GALNTL6: variants seen among roughly 807,000 people sequenced by gnomAD.
The protein encoded by GALNTL6 is polypeptide N-acetylgalactosaminyltransferase-like 6.
A neutral mutation model predicts 73.7 loss-of-function variants in GALNTL6; 46 were observed. The observed-to-expected ratio is 0.62, with a 90% confidence interval of 0.49 to 0.80. The LOEUF (loss-of-function observed/expected upper bound fraction) is 0.80. Among genes scored for constraint, GALNTL6 ranks in the 30% least tolerant of loss-of-function variants. GALNTL6 has a pLI of 0.00. For synonymous variants in GALNTL6, 259 were observed against 263.7 expected, an observed-to-expected ratio of 0.98 and a Z score of 0.17; for missense variants, 604 against 755.0, an observed-to-expected ratio of 0.80 and a Z score of 2.34.
intron 5 of GALNTL6, among the ~76,000 whole-genome samples, chr4:172,400,316 A>T (rs1301248835): frequency 3.3e-5 from 5 of 152,200 alleles, no homozygotes; most frequent in Non-Finnish European, 7.3e-5. Flanking sequence ...AGGAAAATGA[A>T]TTCTAATACA....
chr4:172,520,112 G>A (rs915796284), intron 5 of GALNTL6, among the ~76,000 whole-genome samples: 3 of 151,792 alleles, frequency 2.0e-5, no homozygotes, highest in Admixed American at 2.0e-4. Flanking sequence ...CAGAACCATT[G>A]TCTCATTTAA....
In GALNTL6 at chr4:172,536,074, C is replaced by T. The variant is rs192690719; in HGVS notation, c.553+187385C>T. On this transcript the variant is annotated intron_variant, in intron 5 of 12. Coordinates refer to ENST00000506823, the MANE Select transcript of GALNTL6 (RefSeq NM_001034845.3). ...ATGGTTTTATAAGGAGCTTTTCTCCCGCTTCGCTCTGCACTTCTCTCTTGC... is the reference window on the plus strand; with the variant it reads ...ATGGTTTTATAAGGAGCTTTTCTCCTGCTTCGCTCTGCACTTCTCTCTTGC... Among the ~76,000 whole-genome samples the T allele has an allele frequency of 3.5e-4, 54 of 152,172 alleles. 1 individual carries two copies. Among genetic ancestry groups the T allele is most frequent in the African/African-American group, 1.1e-3 (47 of 41,534 alleles).
chr4:172,592,666 GTCTGTCTA>G lies in GALNTL6; in HGVS notation c.554-216691_554-216684del, dbSNP rs1298529581. ...TACTCAAATCTATATCTGTCTGTCT[GTCTGTCTA>G]TCTATCTATCTATCTATCTATCTAT... is the stretch of plus-strand genomic sequence containing the variant. On this transcript the variant is annotated intron_variant, in intron 5 of 12. Transcript: ENST00000506823. Among the ~76,000 whole-genome samples the G allele has an allele frequency of 3.1e-3, 334 of 109,396 alleles. 1 individual carries two copies. The highest frequency in any genetic ancestry group is 8.5e-3 in the African/African-American group (286 of 33,816). The allele number at this position is 109,396 out of a possible 152,430, so 71.8% of individuals were successfully genotyped here.
At chr4:172,920,915 G>A (rs1747756750) in intron 8 of GALNTL6, among the ~76,000 whole-genome samples, 1 of 152,202 alleles carries the variant, frequency 6.6e-6, no homozygotes. Context: ...TAGTAAATAA[G>A]TGAGATATCT....
chr4:172,562,578 G>A (rs997371082), intron 5 of GALNTL6, among the ~76,000 whole-genome samples: 4 of 152,166 alleles, frequency 2.6e-5, no homozygotes, highest in Admixed American at 6.5e-5. Context: ...CAAGGCTGCT[G>A]AATGTCCTAT....
chr4:172,541,040 T>A (rs1735533998), intron 5 of GALNTL6, among the ~76,000 whole-genome samples: 1 of 152,198 alleles, frequency 6.6e-6, no homozygotes, highest in Non-Finnish European at 1.5e-5. Flanking sequence ...CAGGGTCATT[T>A]CAAAATCTGT....
intron 2 of GALNTL6, among the ~76,000 whole-genome samples, chr4:171,855,307 A>G (rs1237409406): frequency 6.6e-6 from 1 of 152,140 alleles, no homozygotes; most frequent in African/African-American, 2.4e-5. Flanking sequence ...CCAGGGAACC[A>G]CGGATCTATT....
intron 2 of GALNTL6, among the ~76,000 whole-genome samples, chr4:172,183,523 A>G (rs961946223): frequency 7.2e-5 from 11 of 152,308 alleles, no homozygotes; most frequent in African/African-American, 2.6e-4. Context: ...CATTGATTCA[A>G]CAATGTAGGC....
chr4:172,136,501 C>T (rs1024117134), intron 2 of GALNTL6, among the ~76,000 whole-genome samples: 34 of 152,106 alleles, frequency 2.2e-4, no homozygotes, highest in Non-Finnish European at 1.2e-4. Flanking sequence ...CCCACAGATT[C>T]ATAATTTAAT....
intron 2 of GALNTL6, among the ~76,000 whole-genome samples, chr4:171,906,659 C>T (rs1415682927): frequency 6.6e-6 from 1 of 152,152 alleles, no homozygotes; most frequent in Non-Finnish European, 1.5e-5. Context: ...CCAGCATCAT[C>T]CCAATACCAA....
At chr4:171,837,914 C>T (rs1735138801) in intron 2 of GALNTL6, among the ~76,000 whole-genome samples, 1 of 150,956 alleles carries the variant, frequency 6.6e-6, no homozygotes, top group Non-Finnish European at 1.5e-5. Flanking sequence ...GATAGGTTGG[C>T]ATGTTACATT....
intron 4 of GALNTL6, among the ~76,000 whole-genome samples, chr4:172,340,142 G>C (rs1418654551): frequency 6.6e-6 from 1 of 151,986 alleles, no homozygotes; most frequent in Non-Finnish European, 1.5e-5. Context: ...TTTATATATG[G>C]CATGTATTAA....
intron 2 of GALNTL6, among the ~76,000 whole-genome samples, chr4:171,929,776 T>A (rs1578981706): frequency 6.6e-6 from 1 of 152,318 alleles, no homozygotes; most frequent in East Asian, 1.9e-4. Flanking sequence ...CTGGAGAGAC[T>A]GCAGCAGCCA....
At chr4:173,021,256 T>A (rs1204812129) in intron 11 of GALNTL6, among the ~76,000 whole-genome samples, 1 of 152,192 alleles carries the variant, frequency 6.6e-6, no homozygotes. Context: ...ACTCTTCATT[T>A]GTGTTTTTTG....
At chr4:172,537,950 T>C (rs1735406636) in intron 5 of GALNTL6, among the ~76,000 whole-genome samples, 1 of 152,164 alleles carries the variant, frequency 6.6e-6, no homozygotes, top group Non-Finnish European at 1.5e-5. Flanking sequence ...TATGAACTTA[T>C]TTGGAGGTGA....
At chr4:172,105,509 A>G (rs1439844649) in intron 2 of GALNTL6, among the ~76,000 whole-genome samples, 3 of 152,170 alleles carry the variant, frequency 2.0e-5, no homozygotes, top group Admixed American at 1.3e-4. Context: ...TCTGTCCCAA[A>G]AAGGATAAAT....
chr4:172,013,474 C>T (rs1741085146), intron 2 of GALNTL6, among the ~76,000 whole-genome samples: 1 of 126,296 alleles, frequency 7.9e-6, no homozygotes, highest in Admixed American at 9.3e-5. Flanking sequence ...TCCATATCAG[C>T]TCAAATAATA....
At chr4:171,937,532 C>G (rs910823881) in intron 2 of GALNTL6, among the ~76,000 whole-genome samples, 3 of 150,938 alleles carry the variant, frequency 2.0e-5, no homozygotes, top group African/African-American at 7.4e-5. Context: ...TACTCTTTTC[C>G]CTTATGTTTC....
intron 8 of GALNTL6, among the ~76,000 whole-genome samples, chr4:172,894,162 G>A (rs989079322): frequency 6.6e-6 from 1 of 151,932 alleles, no homozygotes; most frequent in African/African-American, 2.4e-5. Context: ...AACTATCTTA[G>A]TTCAGTCACT....
Sources: allele counts gnomAD v4.1 joint callset (sites outside exome capture counted in the v4.1 genomes callset), GRCh38; gene constraint gnomAD v4.1.1; transcripts MANE v1.5; gene names NCBI Gene and HGNC (gene_info 2026-07-23, HGNC 2026-07-21).